RAD50: variants seen among roughly 807,000 people sequenced by gnomAD.
RAD50 encodes DNA repair protein RAD50.
Under a neutral mutation model 168.8 loss-of-function variants are expected in RAD50, and 132 were observed. The observed-to-expected ratio is 0.78, with a 90% CI of 0.68 to 0.90. The LOEUF (loss-of-function observed/expected upper bound fraction) is 0.90, where lower values mean the gene tolerates loss of function less well. RAD50 is among the 40% of genes least tolerant of loss of function. The pLI is 0.00. For synonymous variants in RAD50, 525 were observed against 497.4 expected, an observed-to-expected ratio of 1.06 and a Z score of -0.74; for missense variants, 1,347 against 1,534.4, an observed-to-expected ratio of 0.88 and a Z score of 2.04.
rs1333773174 is a variant in RAD50 at position 132,575,064 on chromosome 5, C to T, written c.214-713C>T. 2.6e-5 allele frequency among the ~76,000 whole-genome samples: 4 copies of T among 152,308 alleles called. No individual in the cohort carries two copies. In the East Asian group the frequency reaches 5.8e-4, roughly 22 times the overall value. On this transcript the variant is annotated intron_variant, in intron 2 of 24. Coordinates refer to ENST00000378823, the MANE Select transcript of RAD50 (RefSeq NM_005732.4). Reference sequence around the variant, plus strand: ...AGTTCCAAAGTCGCTTTCACATTTTCGGATAACTTTTCAGCAGCACTCCAC... The same window carrying T: ...AGTTCCAAAGTCGCTTTCACATTTTTGGATAACTTTTCAGCAGCACTCCAC...
chr5:132,632,285 T>C (rs973374263), intron 21 of RAD50, among the ~76,000 whole-genome samples: 1 of 152,234 alleles, frequency 6.6e-6, no homozygotes, highest in Non-Finnish European at 1.5e-5. Flanking sequence ...CCACGCTCCA[T>C]AACTGCAAAC....
rs876658882 is a variant in RAD50 at position 132,637,172 on chromosome 5, C to T, written c.3447C>T (p.Asp1149=). The T allele has an allele frequency of 3.7e-6, 6 of 1,612,196 alleles. No homozygotes were observed. The highest frequency in any genetic ancestry group is 5.1e-6 in the Non-Finnish European group (6 of 1,178,940). The change falls in exon 22 of 25, where the codon GAC becomes GAT. Residue 1149 remains aspartate (D), a synonymous_variant. Transcript: ENST00000378823. The stretch of plus-strand genomic sequence containing the variant: ...AAGAAATCAATAAAATTATACGTGA[C>T]CTGTGGCGAAGTACCTATCGTGGAC... ...KMEEINKIIR[D]LWRSTYRGQD... is the part of the protein sequence containing the mutation.
At chr5:132,638,287 C>T in intron 23 of RAD50, 64 bp downstream of exon 23, 1 of 1,589,448 alleles carries the variant, frequency 6.3e-7, no homozygotes, top group African/African-American at 1.3e-5. Context: ...AAACAAACAT[C>T]AGTGCAGTGG....
chr5:132,609,462 A>G (rs1025502298), intron 19 of RAD50, 66 bp downstream of exon 19: 22 of 1,584,220 alleles, frequency 1.4e-5, no homozygotes, highest in Non-Finnish European at 1.7e-5. Flanking sequence ...TTTATTTTCA[A>G]TAGAAGATCC....
intron 19 of RAD50, among the ~76,000 whole-genome samples, chr5:132,611,798 G>A (rs1349695421): frequency 6.6e-6 from 1 of 151,250 alleles, no homozygotes; most frequent in Non-Finnish European, 1.5e-5. Context: ...CTGACTACAG[G>A]ATAATGTCTC....
Position 132,646,092 on chromosome 5 carries a change from C to CAAAAAAAAAAAAAAAAA in RAD50, c.*3733_*3749dup, listed in dbSNP as rs757145249. ...CAGAGTGAGACCCTGTCTAAAAAGA[C>CAAAAAAAAAAAAAAAAA]AAAAAAAAAAAAAAAAAAAAAGCAG... is the stretch of plus-strand genomic sequence containing the variant. On this transcript the variant is annotated 3_prime_UTR_variant, in exon 25 of 25. Transcript: ENST00000378823. 53 of 77,128 alleles carry CAAAAAAAAAAAAAAAAA rather than the reference C, an allele frequency of 6.9e-4. 1 individual carries two copies. The highest frequency in any genetic ancestry group is 2.2e-3 in the African/African-American group (48 of 22,120). 4.8% of individuals were successfully genotyped at this position (77,128 alleles called of 1,614,324 possible).
rs371433440 is a variant in RAD50, at chr5:132,595,347, GTTATAC to G, written c.1970-220_1970-215del. ...ATAGAAAGCTCTCAGTAGGCATTTT[GTTATAC>G]TTATAATGTGTTACCAAAAAATATT... On this transcript the variant is annotated intron_variant, in intron 12 of 24. Coordinates refer to ENST00000378823, the MANE Select transcript of RAD50 (RefSeq NM_005732.4). The G allele has an allele frequency of 1.5e-3, 748 of 515,774 alleles. 1 individual carries two copies. The highest frequency in any genetic ancestry group is 0.012 in the African/African-American group (631 of 52,432). The allele number at this position is 515,774 out of a possible 1,614,324, so 31.9% of individuals were successfully genotyped here. A position where few individuals can be genotyped will look rare whatever the true frequency, so the allele number is the denominator to read the frequency against.
At chr5:132,558,007 T>G (rs1292535510) in intron 1 of RAD50, among the ~76,000 whole-genome samples, 5 of 142,560 alleles carry the variant, frequency 3.5e-5, no homozygotes, top group African/African-American at 1.3e-4. Flanking sequence ...CACGACTGAC[T>G]TTTTTTTTTT....
At chr5:132,639,214 A>T (rs901382681) in intron 23 of RAD50, among the ~76,000 whole-genome samples, 4 of 152,098 alleles carry the variant, frequency 2.6e-5, no homozygotes, top group African/African-American at 9.7e-5. Context: ...TTAGCTGGGC[A>T]TGGTAGCATG....
chr5:132,557,199 G>T lies in RAD50; in HGVS notation c.-126G>T, dbSNP rs1005493425. 1.3e-5 allele frequency: 18 copies of T among 1,356,758 alleles called. No individual in the cohort carries two copies. The Middle Eastern group carries it at 7.8e-4, about 59-fold the overall frequency. 84.0% of individuals were successfully genotyped at this position (1,356,758 alleles called of 1,614,324 possible). On this transcript the variant is annotated 5_prime_UTR_variant, in exon 1 of 25. Transcript: ENST00000378823. ...GATCTTTTGGCAGTCCTGTGGCCTC[G>T]CTCCCCGCCCGGATCCTCCTGACCC...
chr5:132,592,183 GA>G, intron 11 of RAD50, 149 bp downstream of exon 11: 1 of 843,984 alleles, frequency 1.2e-6, no homozygotes, highest in Non-Finnish European at 1.9e-6. Flanking sequence ...AAAGTTCATG[GA>G]AAAATGGAAT....
chr5:132,610,092 C>T (rs1262218960), intron 19 of RAD50, among the ~76,000 whole-genome samples: 3 of 150,492 alleles, frequency 2.0e-5, no homozygotes, highest in Admixed American at 1.3e-4. Context: ...TATTCTGTAC[C>T]TTTTTTCACT....
At chr5:132,596,448 A>G (rs568374197) in intron 13 of RAD50, among the ~76,000 whole-genome samples, 471 of 152,342 alleles carry the variant, frequency 3.1e-3, no homozygotes, top group Non-Finnish European at 4.9e-3. Context: ...AAAAGAATTT[A>G]AGTATTGAAA....
At chr5:132,604,727 G>C in intron 15 of RAD50, 79 bp from the exon 16 acceptor site, 1 of 1,228,454 alleles carries the variant, frequency 8.1e-7, no homozygotes, top group Non-Finnish European at 1.2e-6. Context: ...TCCATAGACC[G>C]ATAAAAATGG....
At chr5:132,615,909 A>G (rs1751166452) in intron 19 of RAD50, 94 bp from the exon 20 acceptor site, 1 of 1,188,402 alleles carries the variant, frequency 8.4e-7, no homozygotes, top group Admixed American at 1.8e-5. Context: ...TCTAAGTAAG[A>G]CAGAAATGGC....
At chr5:132,638,258 CCAAG>C in intron 23 of RAD50, 35 bp downstream of exon 23, 1 of 1,612,540 alleles carries the variant, frequency 6.2e-7, no homozygotes, top group Non-Finnish European at 8.5e-7. Context: ...GCCAACTCAC[CCAAG>C]TAACTGAAAG....
chr5:132,588,457 G>A (rs1750635023), intron 7 of RAD50, among the ~76,000 whole-genome samples: 1 of 152,092 alleles, frequency 6.6e-6, no homozygotes, highest in Admixed American at 6.6e-5. Context: ...CACATGCTCA[G>A]GGGTACAAAT....
Position 132,642,897 on chromosome 5 carries a change from C to A in RAD50, c.*533C>A. On this transcript the variant is annotated 3_prime_UTR_variant, in exon 25 of 25. Transcript: ENST00000378823. ...CCTCTCTCTCTGGGACTTGGTTTCC[C>A]CAACTAAAATTTGAAGTAGTTGAAT... The A allele has an allele frequency of 2.5e-6, 1 of 404,158 alleles. No individual in the cohort carries two copies. The highest frequency in any genetic ancestry group is 3.0e-5 in the Admixed American group (1 of 32,970). 25.0% of individuals were successfully genotyped at this position (404,158 alleles called of 1,614,324 possible). A position where few individuals can be genotyped will look rare whatever the true frequency, so the allele number is the denominator to read the frequency against.
At chr5:132,559,258 A>C in intron 1 of RAD50, 26 bp from the exon 2 acceptor site, 1 of 1,581,128 alleles carries the variant, frequency 6.3e-7, no homozygotes, top group Non-Finnish European at 8.6e-7. Context: ...CTTATAACGA[A>C]ATAATGTAAT....
Sources: gnomAD v4.1 joint callset for allele counts (sites outside exome capture counted in the v4.1 genomes callset) on GRCh38, gnomAD v4.1.1 for gene constraint, MANE v1.5 for transcripts, NCBI Gene and HGNC (gene_info 2026-07-23, HGNC 2026-07-21) for gene names.